The following PRKD1 variants were observed in gnomAD, a reference collection of about 807,000 sequenced individuals.
PRKD1 encodes the protein serine/threonine-protein kinase D1.
In PRKD1, 63 loss-of-function variants were observed where a neutral mutation model predicts 95.9. That is an observed-to-expected ratio of 0.66 (90% CI 0.54 to 0.81). The LOEUF is 0.81. PRKD1 is among the 30% of genes least tolerant of loss of function. PRKD1 has a pLI of 0.00. For missense variants in PRKD1, 1,048 were observed against 1,165.3 expected (o/e 0.90, Z 1.47); for synonymous variants, 425 against 423.1 (o/e 1.00, Z -0.05).
chr14:29,711,039 G>A (rs1885312053), intron 2 of PRKD1, among the ~76,000 whole-genome samples: 1 of 152,004 alleles, frequency 6.6e-6, no homozygotes. Flanking sequence ...GTTTTTAAAA[G>A]CAAAGAACCA....
chr14:29,643,598 A>C, intron 4 of PRKD1, among the ~76,000 whole-genome samples: 1 of 152,204 alleles, frequency 6.6e-6, no homozygotes, highest in East Asian at 1.9e-4. Flanking sequence ...GATTGCTTAG[A>C]TTACATTGTG....
intron 13 of PRKD1, among the ~76,000 whole-genome samples, chr14:29,619,484 A>C (rs977733037): frequency 2.0e-5 from 3 of 152,194 alleles, no homozygotes; most frequent in Non-Finnish European, 4.4e-5. Context: ...GTGGGGATAC[A>C]TTAGTAAACA....
At chr14:29,622,778 C>T (rs1473907111) in intron 13 of PRKD1, among the ~76,000 whole-genome samples, 1 of 152,138 alleles carries the variant, frequency 6.6e-6, no homozygotes. Flanking sequence ...ATTAAAAGGC[C>T]TAGACACAGA....
At chr14:29,921,512 C>G (rs1182604421) in intron 1 of PRKD1, among the ~76,000 whole-genome samples, 6 of 152,062 alleles carry the variant, frequency 3.9e-5, no homozygotes, top group African/African-American at 1.2e-4. Flanking sequence ...ATGTATGTTA[C>G]ATATATTGTC....
chr14:29,769,739 G>C (rs192617901), intron 1 of PRKD1, among the ~76,000 whole-genome samples: 197 of 152,240 alleles, frequency 1.3e-3, no homozygotes, highest in African/African-American at 4.7e-3. Context: ...AATATATTGA[G>C]AAACAGTGTA....
In PRKD1 at chr14:29,700,837, A is replaced by G. The variant is rs181554581; in HGVS notation, c.403+24699T>C. 4.6e-5 allele frequency among the ~76,000 whole-genome samples: 7 copies of G among 152,228 alleles called. No individual in the cohort carries two copies. In the South Asian group the frequency reaches 1.2e-3, roughly 27 times the overall value. ...ACTTGGGACTCCAGCTGCAAGATCA[A>G]TTCTTCCCTGGGTCTCTGCTACCCT... On this transcript the variant is annotated intron_variant, in intron 2 of 17. Transcript: ENST00000331968.
intron 1 of PRKD1, among the ~76,000 whole-genome samples, chr14:29,835,063 A>G (rs1186745160): frequency 6.6e-6 from 1 of 152,200 alleles, no homozygotes; most frequent in Non-Finnish European, 1.5e-5. Flanking sequence ...TAAAATTAAC[A>G]TACAAAGAAA....
chr14:29,813,262 C>G (rs894891440), intron 1 of PRKD1, among the ~76,000 whole-genome samples: 1 of 152,120 alleles, frequency 6.6e-6, no homozygotes, highest in Non-Finnish European at 1.5e-5. Context: ...TGTGGGAAAG[C>G]CCAAAATCAA....
chr14:29,682,286 A>G (rs956107927), intron 2 of PRKD1, among the ~76,000 whole-genome samples: 17 of 152,178 alleles, frequency 1.1e-4, no homozygotes, highest in African/African-American at 4.1e-4. Context: ...TACAGTGGGT[A>G]TACTGAACTA....
chr14:29,688,948 C>CAAAAAAAAAAAAAAAAA (rs377212196), intron 2 of PRKD1, among the ~76,000 whole-genome samples: 1 of 32,488 alleles, frequency 3.1e-5, no homozygotes, highest in Non-Finnish European at 6.4e-5. Flanking sequence ...GACTCCGTCT[C>CAAAAAAAAAAAAAAAAA]AAAAAAAAAA....
chr14:29,619,513 C>T (rs1229418195), intron 13 of PRKD1, among the ~76,000 whole-genome samples: 1 of 152,050 alleles, frequency 6.6e-6, no homozygotes, highest in Non-Finnish European at 1.5e-5. Context: ...TTAACTGTCC[C>T]CCTGAAGTGT....
At chr14:29,634,311 A>G in intron 8 of PRKD1, 107 bp downstream of exon 8, 1 of 1,525,828 alleles carries the variant, frequency 6.6e-7, no homozygotes, top group Non-Finnish European at 9.0e-7. Flanking sequence ...GCCTGTGCTG[A>G]GGTTTACTCT....
intron 8 of PRKD1, 31 bp downstream of exon 8, chr14:29,634,387 G>C: frequency 6.2e-7 from 1 of 1,613,566 alleles, no homozygotes; most frequent in Middle Eastern, 1.7e-4. Flanking sequence ...AGCTAGCAAG[G>C]CAAGAGAACA....
At chr14:29,641,617 T>C (rs568837943) in intron 4 of PRKD1, among the ~76,000 whole-genome samples, 1 of 152,182 alleles carries the variant, frequency 6.6e-6, no homozygotes, top group East Asian at 1.9e-4. Flanking sequence ...TTGCATGTGC[T>C]TTCCCTAACA....
chr14:29,896,720 T>TAA (rs34261706), intron 1 of PRKD1, among the ~76,000 whole-genome samples: 62 of 134,080 alleles, frequency 4.6e-4, no homozygotes, highest in African/African-American at 1.2e-3. Context: ...ATTAAACAGT[T>TAA]AAAAAAAAAA....
chr14:29,754,839 A>AT (rs1356919452), intron 1 of PRKD1, among the ~76,000 whole-genome samples: 5 of 152,138 alleles, frequency 3.3e-5, no homozygotes, highest in African/African-American at 1.2e-4. Flanking sequence ...GAAGTTTAGT[A>AT]TTTTTTATCC....
In PRKD1 at chr14:29,577,431, C is replaced by G; in HGVS notation, c.2546G>C (p.Arg849Pro). 6.2e-7 allele frequency: 1 copy of G among 1,613,688 alleles called. No individual in the cohort carries two copies. The highest frequency in any genetic ancestry group is 2.2e-5 in the East Asian group (1 of 44,866). The change falls in exon 18 of 18, where the codon CGA becomes CCA. Residue 849 changes from arginine (R) to proline (P), a missense_variant. This residue lies in a region of PRKD1 where 739 missense variants were observed against 861.9 expected (regional missense o/e 0.86). Transcript: ENST00000331968. ...CTCCCCGATTTTGCATTCCAGCTCTCGCAAATCTAACCAGGTCTGATAGTC... is the reference window on the plus strand; with the variant it reads ...CTCCCCGATTTTGCATTCCAGCTCTGGCAAATCTAACCAGGTCTGATAGTC... ...LQDYQTWLDLRELECKIGERY... is the reference protein window; with the variant it reads ...LQDYQTWLDLPELECKIGERY...
chr14:29,830,253 A>T (rs1224867978), intron 1 of PRKD1, among the ~76,000 whole-genome samples: 1 of 152,244 alleles, frequency 6.6e-6, no homozygotes, highest in Non-Finnish European at 1.5e-5. Flanking sequence ...GTAGCCATAA[A>T]GTAGATACAG....
rs143542510 is a variant in PRKD1, at chr14:29,604,556, G to A, written c.1906-4739C>T. Among the ~76,000 whole-genome samples, 448 of 152,252 alleles carry A rather than the reference G, an allele frequency of 2.9e-3. 4 individuals carry two copies. The highest frequency in any genetic ancestry group is 2.2e-3 in the Non-Finnish European group (151 of 68,004). On this transcript the variant is annotated intron_variant, in intron 13 of 17. Coordinates refer to ENST00000331968, the MANE Select transcript of PRKD1 (RefSeq NM_002742.3). The stretch of plus-strand genomic sequence containing the variant: ...CATCACACAATGGAATGGGTGGGGG[G>A]CATGAGGTACAGTACTGCAGCAGTG...
Sources: allele counts gnomAD v4.1 joint callset (sites outside exome capture counted in the v4.1 genomes callset), GRCh38; gene constraint gnomAD v4.1.1; regional missense constraint gnomAD v4.1.1; transcripts MANE v1.5; gene names NCBI Gene and HGNC (gene_info 2026-07-23, HGNC 2026-07-21).